Variants in PTK2 observed in about 807,000 individuals in gnomAD.
PTK2 encodes focal adhesion kinase 1.
In PTK2, 45 loss-of-function variants were observed where a neutral mutation model predicts 150.1. The observed-to-expected ratio is 0.30, with a 90% confidence interval of 0.24 to 0.38. The LOEUF is 0.38. Among genes scored for constraint, PTK2 ranks in the 10% least tolerant of loss-of-function variants. PTK2 has a pLI of 1.00. For missense variants in PTK2, 919 were observed against 1,307.3 expected (o/e 0.70, Z 4.58); for synonymous variants, 432 against 449.2 (o/e 0.96, Z 0.48).
At chr8:140,839,368 A>G (rs1163497051) in intron 7 of PTK2, among the ~76,000 whole-genome samples, 1 of 152,172 alleles carries the variant, frequency 6.6e-6, no homozygotes, top group East Asian at 1.9e-4. Flanking sequence ...CTCTAATCCA[A>G]GCCACTTTGG....
At chr8:140,782,568 G>T (rs1158027023) in intron 14 of PTK2, among the ~76,000 whole-genome samples, 2 of 151,944 alleles carry the variant, frequency 1.3e-5, no homozygotes, top group Middle Eastern at 3.4e-3. Flanking sequence ...AATTTTTTCA[G>T]TGTCCCGTAG....
intron 22 of PTK2, among the ~76,000 whole-genome samples, chr8:140,720,078 C>G (rs2100042060): frequency 6.6e-6 from 1 of 151,922 alleles, no homozygotes; most frequent in Non-Finnish European, 1.5e-5. Flanking sequence ...GAGGAAGAGT[C>G]ACAGCATCTC....
At chr8:140,911,598 A>C (rs977345555) in intron 2 of PTK2, among the ~76,000 whole-genome samples, 5 of 152,178 alleles carry the variant, frequency 3.3e-5, no homozygotes, top group Non-Finnish European at 7.3e-5. Flanking sequence ...ACACATACAT[A>C]CATATGTGTG....
At chr8:140,754,716 A>G (rs1159314403) in intron 16 of PTK2, among the ~76,000 whole-genome samples, 1 of 152,372 alleles carries the variant, frequency 6.6e-6, no homozygotes, top group East Asian at 1.9e-4. Flanking sequence ...CAAAATGCCA[A>G]CATGAGCAGA....
chr8:140,894,373 G>T lies in PTK2; in HGVS notation c.-32-3604C>A, dbSNP rs58929244. On this transcript the variant is annotated intron_variant, in intron 2 of 31. Transcript: ENST00000522684. Reference sequence around the variant, plus strand: ...ATAAGCCACCCAGTTTATGTATTTTGTTACAATCGTCCCAAGTGAAGAGAT... The same window carrying T: ...ATAAGCCACCCAGTTTATGTATTTTTTTACAATCGTCCCAAGTGAAGAGAT... Among the ~76,000 whole-genome samples, 3 of 152,264 alleles carry T rather than the reference G, an allele frequency of 2.0e-5. No homozygotes were observed. The East Asian group carries it at 5.8e-4, about 29-fold the overall frequency.
chr8:140,844,214 T>C (rs780967870), intron 7 of PTK2, among the ~76,000 whole-genome samples: 5 of 152,194 alleles, frequency 3.3e-5, no homozygotes, highest in Non-Finnish European at 5.9e-5. Flanking sequence ...ACTGGTGATG[T>C]TGACTTTGAC....
intron 29 of PTK2, chr8:140,669,317 A>ATG (rs1563952754): frequency 2.7e-4 from 35 of 131,640 alleles, no homozygotes; most frequent in Admixed American, 7.2e-4. Flanking sequence ...ATATATATAT[A>ATG]TATATATATA....
At chr8:140,911,290 C>T (rs1034058733) in intron 2 of PTK2, among the ~76,000 whole-genome samples, 3 of 152,066 alleles carry the variant, frequency 2.0e-5, no homozygotes, top group Non-Finnish European at 2.9e-5. Context: ...AGTGAAGAGC[C>T]GGCACATTTT....
intron 1 of PTK2, among the ~76,000 whole-genome samples, chr8:140,962,330 C>T (rs1212877859): frequency 1.3e-5 from 2 of 151,776 alleles, no homozygotes; most frequent in African/African-American, 2.4e-5. Flanking sequence ...GTTATTTTTA[C>T]TCATTTCAAC....
rs531418735 is a variant in PTK2, at chr8:140,921,475, C to T, written c.-33+4186G>A. 1.6e-4 allele frequency among the ~76,000 whole-genome samples: 24 copies of T among 152,284 alleles called. No homozygotes were observed. The East Asian group carries it at 4.6e-3, about 29-fold the overall frequency. On this transcript the variant is annotated intron_variant, in intron 2 of 31. Transcript: ENST00000522684. Reference sequence around the variant, plus strand: ...CCTTTGTCATTTTACTAACCTAATTCTTTATGACCTTAGAGTTAAAATAAT... The same window carrying T: ...CCTTTGTCATTTTACTAACCTAATTTTTTATGACCTTAGAGTTAAAATAAT...
intron 12 of PTK2, among the ~76,000 whole-genome samples, chr8:140,794,625 TG>T (rs1201720311): frequency 6.6e-6 from 1 of 152,334 alleles, no homozygotes; most frequent in African/African-American, 2.4e-5. Flanking sequence ...CTTCCCACCC[TG>T]GGCCTCCCGA....
intron 16 of PTK2, 50 bp from the exon 20 acceptor site, chr8:140,752,366 A>G: frequency 6.6e-7 from 1 of 1,518,746 alleles, no homozygotes. Flanking sequence ...AAGGTTTGCT[A>G]TATTAATTGA....
chr8:140,852,883 C>T (rs1249667513), intron 5 of PTK2, among the ~76,000 whole-genome samples: 1 of 152,152 alleles, frequency 6.6e-6, no homozygotes, highest in Non-Finnish European at 1.5e-5. Flanking sequence ...TTAGGGCTGG[C>T]CCTTAGTCTC....
intron 12 of PTK2, 33 bp downstream of exon 12, chr8:140,800,426 C>T (rs374813243): frequency 7.8e-6 from 12 of 1,534,082 alleles, no homozygotes; most frequent in Admixed American, 3.3e-5. Context: ...TTGGTAGAAG[C>T]GCAATTGGGA....
chr8:140,985,794 T>C (rs2100193069), intron 1 of PTK2, among the ~76,000 whole-genome samples: 1 of 152,246 alleles, frequency 6.6e-6, no homozygotes, highest in South Asian at 2.1e-4. Flanking sequence ...TCACAAAATT[T>C]CTCAGTTAAA....
intron 7 of PTK2, among the ~76,000 whole-genome samples, chr8:140,846,038 G>A (rs1480482781): frequency 6.6e-6 from 1 of 152,082 alleles, no homozygotes; most frequent in East Asian, 1.9e-4. Flanking sequence ...TCTACACAAA[G>A]TGTATGTTAA....
chr8:140,904,673 A>C (rs2100160135), intron 2 of PTK2, among the ~76,000 whole-genome samples: 1 of 152,100 alleles, frequency 6.6e-6, no homozygotes, highest in African/African-American at 2.4e-5. Flanking sequence ...CCTCAATTTC[A>C]GAACTTGTTA....
intron 1 of PTK2, among the ~76,000 whole-genome samples, chr8:140,966,502 T>A (rs1290812683): frequency 1.3e-5 from 2 of 152,184 alleles, no homozygotes; most frequent in East Asian, 1.9e-4. Flanking sequence ...GCATGTTGAA[T>A]CCTAACTCTT....
intron 20 of PTK2, among the ~76,000 whole-genome samples, chr8:140,741,980 C>CA (rs201866741): frequency 0.045 from 6,797 of 152,136 alleles, 413 homozygotes; most frequent in African/African-American, 0.14. Context: ...TCCATCTCTA[C>CA]AAAAAATTAG....
Sources: gnomAD v4.1 joint callset for allele counts (sites outside exome capture counted in the v4.1 genomes callset) on GRCh38, gnomAD v4.1.1 for gene constraint, MANE v1.5 for transcripts, NCBI Gene and HGNC (gene_info 2026-07-23, HGNC 2026-07-21) for gene names.